Variants in SLC45A2 observed in about 807,000 individuals in gnomAD.
SLC45A2 encodes solute carrier family 45 member 2.
Under a neutral mutation model 45.5 loss-of-function variants are expected in SLC45A2, and 36 were observed. The observed-to-expected ratio is 0.79, with a 90% CI of 0.61 to 1.04. The LOEUF (loss-of-function observed/expected upper bound fraction) is 1.04, where lower values mean the gene tolerates loss of function less well. Among genes scored for constraint, SLC45A2 ranks in the 50% least tolerant of loss-of-function variants. The pLI is 0.00. For synonymous variants in SLC45A2, 306 were observed against 269.3 expected (o/e 1.14, Z -1.33); for missense variants, 719 against 671.0 (o/e 1.07, Z -0.79).
chr5:33,975,716 A>G (rs1055289282), intron 2 of SLC45A2, among the ~76,000 whole-genome samples: 1 of 152,190 alleles, frequency 6.6e-6, no homozygotes, highest in Admixed American at 6.5e-5. Flanking sequence ...AGGGAGATAC[A>G]TGACCAACTC....
At chr5:33,962,420 G>C (rs1433800110) in intron 3 of SLC45A2, among the ~76,000 whole-genome samples, 1 of 152,188 alleles carries the variant, frequency 6.6e-6, no homozygotes, top group African/African-American at 2.4e-5. Context: ...AATAATCCTA[G>C]AAAATAGACT....
chr5:33,984,343 C>T lies in SLC45A2; in HGVS notation c.241G>A (p.Gly81Arg). 1 of 1,614,064 alleles carries T rather than the reference C, an allele frequency of 6.2e-7. No homozygotes were observed. The highest frequency in any genetic ancestry group is 1.1e-5 in the South Asian group (1 of 91,074). Residue 81 changes from glycine (G) to arginine (R), a missense_variant, in exon 1 of 7, where the codon GGA (glycine) becomes AGA (arginine). Coordinates refer to ENST00000296589, the MANE Select transcript of SLC45A2 (RefSeq NM_016180.5). ...SIVWFLSPILGFLLQPVVGSA... is the reference protein window; with the variant it reads ...SIVWFLSPILRFLLQPVVGSA... ...CCGACCACGGGCTGCAGCAGGAATC[C>T]CAGGATGGGGCTGAGGAACCACACA...
intron 3 of SLC45A2, among the ~76,000 whole-genome samples, chr5:33,960,671 G>C (rs1234081210): frequency 2.0e-5 from 3 of 152,094 alleles, no homozygotes; most frequent in Non-Finnish European, 4.4e-5. Flanking sequence ...GTACTGCTCA[G>C]GTGATGGGTG....
In SLC45A2 at chr5:33,949,792, TC is replaced by T. The variant is rs11353627; in HGVS notation, c.1156+1761del. On this transcript the variant is annotated intron_variant, in intron 5 of 6. Transcript: ENST00000296589. The stretch of plus-strand genomic sequence containing the variant: ...CCTAAAAATAATATGCTTTAAAGTT[TC>T]AAATGCCATAAAATTTATGCGGACA... 3.8e-3 allele frequency among the ~76,000 whole-genome samples: 575 copies of T among 152,210 alleles called. 34 individuals carry two copies. The South Asian group carries it at 0.12, about 31-fold the overall frequency.
intron 2 of SLC45A2, among the ~76,000 whole-genome samples, chr5:33,973,712 G>A (rs1752848445): frequency 6.6e-6 from 1 of 152,170 alleles, no homozygotes; most frequent in Non-Finnish European, 1.5e-5. Flanking sequence ...GGATGTAATG[G>A]GGCAAGTTTC....
chr5:33,947,824 CA>C (rs1561354845), intron 5 of SLC45A2, among the ~76,000 whole-genome samples: 1 of 152,150 alleles, frequency 6.6e-6, no homozygotes, highest in Admixed American at 6.5e-5. Flanking sequence ...TTGAAACAAC[CA>C]AAATTTACAG....
chr5:33,983,035 C>T (rs1753126742), intron 1 of SLC45A2, among the ~76,000 whole-genome samples: 1 of 152,200 alleles, frequency 6.6e-6, no homozygotes, highest in South Asian at 2.1e-4. Context: ...AGATTGCTGG[C>T]CCCATTTCCC....
chr5:33,952,674 GTTT>G (rs35919837), intron 4 of SLC45A2, among the ~76,000 whole-genome samples: 3 of 134,234 alleles, frequency 2.2e-5, no homozygotes, highest in East Asian at 2.2e-4. Context: ...TTGAGCAAAA[GTTT>G]TTTTTTTTTT....
intron 2 of SLC45A2, among the ~76,000 whole-genome samples, chr5:33,973,409 T>C (rs1215917161): frequency 6.6e-6 from 1 of 152,162 alleles, no homozygotes; most frequent in Non-Finnish European, 1.5e-5. Flanking sequence ...AAGTCTACCA[T>C]GGGTGGAACT....
In SLC45A2 at chr5:33,955,268, A is replaced by C. The variant is rs115793513; in HGVS notation, c.889-764T>G. Among the ~76,000 whole-genome samples, 646 of 152,280 alleles carry C rather than the reference A, an allele frequency of 4.2e-3. 7 individuals carry two copies. The highest frequency in any genetic ancestry group is 0.015 in the African/African-American group (625 of 41,552). ...GACCTCAATCCTATAACCACATGGA[A>C]CTGCATTCTGCCAACATCCTGAATG... On this transcript the variant is annotated intron_variant, in intron 3 of 6. Coordinates refer to ENST00000296589, the MANE Select transcript of SLC45A2 (RefSeq NM_016180.5).
Position 33,961,642 on chromosome 5 carries a change from T to C in SLC45A2, c.888+2049A>G, listed in dbSNP as rs187032989. ...CTTCCCTCTTTAAAACTAAAAGCAA[T>C]TGCTATTTTGCCATTTGTGGCCACC... On this transcript the variant is annotated intron_variant, in intron 3 of 6. Transcript: ENST00000296589. Among the ~76,000 whole-genome samples, 432 of 152,260 alleles carry C rather than the reference T, an allele frequency of 2.8e-3. 8 individuals are homozygous for C. The South Asian group carries it at 0.038, about 13-fold the overall frequency.
intron 2 of SLC45A2, among the ~76,000 whole-genome samples, chr5:33,966,367 A>AT (rs1176395072): frequency 2.0e-5 from 3 of 149,014 alleles, no homozygotes; most frequent in Non-Finnish European, 1.5e-5. Flanking sequence ...ACAGTTTCCC[A>AT]TTTTTTTCCC....
intron 2 of SLC45A2, among the ~76,000 whole-genome samples, chr5:33,978,241 T>A (rs956014807): frequency 1.3e-5 from 2 of 152,222 alleles, no homozygotes; most frequent in Admixed American, 1.3e-4. Context: ...ACACTCTTCA[T>A]AGCAATAGGA....
intron 2 of SLC45A2, among the ~76,000 whole-genome samples, chr5:33,978,523 C>G (rs571783468): frequency 3.9e-5 from 6 of 152,122 alleles, no homozygotes; most frequent in Non-Finnish European, 8.8e-5. Context: ...ATCTACATAA[C>G]AAGAACCTTG....
chr5:33,969,164 T>C (rs1752706417), intron 2 of SLC45A2, among the ~76,000 whole-genome samples: 1 of 151,336 alleles, frequency 6.6e-6, no homozygotes, highest in South Asian at 2.1e-4. Context: ...GGAACTGTGC[T>C]AAACACTTGA....
intron 6 of SLC45A2, among the ~76,000 whole-genome samples, chr5:33,945,676 T>TA (rs59234689): frequency 0.037 from 5,559 of 152,242 alleles, 349 homozygotes; most frequent in African/African-American, 0.13. Context: ...TAGGGGGCAC[T>TA]ATGCTAAGCA....
intron 2 of SLC45A2, among the ~76,000 whole-genome samples, chr5:33,971,847 G>C (rs1249045919): frequency 6.6e-6 from 1 of 152,086 alleles, no homozygotes; most frequent in South Asian, 2.1e-4. Context: ...GGCTGGTCTC[G>C]AACTCCCGAC....
intron 2 of SLC45A2, among the ~76,000 whole-genome samples, chr5:33,969,628 TTAGAAAA>T (rs1294358948): frequency 6.6e-6 from 1 of 152,176 alleles, no homozygotes; most frequent in Non-Finnish European, 1.5e-5. Context: ...AGTAGATTCA[TTAGAAAA>T]TGTGCTTTAA....
At chr5:33,977,430 A>G (rs1485544138) in intron 2 of SLC45A2, among the ~76,000 whole-genome samples, 1 of 152,108 alleles carries the variant, frequency 6.6e-6, no homozygotes, top group Non-Finnish European at 1.5e-5. Context: ...TACTCAATAA[A>G]CTTTTGTGCT....
Sources: gnomAD v4.1 joint callset for allele counts (sites outside exome capture counted in the v4.1 genomes callset) on GRCh38, gnomAD v4.1.1 for gene constraint, MANE v1.5 for transcripts, NCBI Gene and HGNC (gene_info 2026-07-23, HGNC 2026-07-21) for gene names.